FBXW8: variants seen among roughly 807,000 people sequenced by gnomAD.
FBXW8 encodes F-box and WD repeat domain containing 8.
FBXW8 carries 57 observed loss-of-function variants against 65.3 expected under a neutral mutation model. That is an observed-to-expected ratio of 0.87 (90% confidence interval 0.71 to 1.09). The LOEUF is 1.09. Ranked by LOEUF, FBXW8 falls within the 50% of genes least tolerant of loss-of-function variation. FBXW8 has a pLI of 0.00. For missense variants in FBXW8, 777 were observed against 814.8 expected (o/e 0.95, Z 0.57); for synonymous variants, 308 against 330.2 (o/e 0.93, Z 0.73).
intron 4 of FBXW8, among the ~76,000 whole-genome samples, chr12:116,954,887 C>T (rs74344876): frequency 6.6e-6 from 1 of 152,138 alleles, no homozygotes; most frequent in Non-Finnish European, 1.5e-5. Context: ...CGTCTAACCT[C>T]CCTCCAGCTG....
At chr12:116,957,712 A>G (rs1288927539) in intron 4 of FBXW8, among the ~76,000 whole-genome samples, 11 of 152,196 alleles carry the variant, frequency 7.2e-5, no homozygotes, top group Non-Finnish European at 1.6e-4. Flanking sequence ...CTTGTTTTGT[A>G]TAGATTTTCT....
intron 7 of FBXW8, among the ~76,000 whole-genome samples, chr12:117,009,177 G>A (rs955123387): frequency 3.3e-5 from 5 of 152,166 alleles, no homozygotes; most frequent in Non-Finnish European, 4.4e-5. Flanking sequence ...TTTGAGACCC[G>A]GCTGGGCAAC....
At position 116,979,777 on chromosome 12, in the gene FBXW8, CAAAA is replaced by C. The variant is rs60145855; in HGVS notation, c.836-5413_836-5410del. The stretch of plus-strand genomic sequence containing the variant: ...GGATGATGCCTGGTGCAGGGAATGG[CAAAA>C]AAAAAAAAAAAAAAACACTTGCTTC... On this transcript the variant is annotated intron_variant, in intron 5 of 10. Transcript: ENST00000652555. 1.1e-4 allele frequency among the ~76,000 whole-genome samples: 8 copies of C among 74,494 alleles called. No individual in the cohort carries two copies. The East Asian group carries it at 1.6e-3, about 15-fold the overall frequency. 48.9% of individuals were successfully genotyped at this position (74,494 alleles called of 152,430 possible).
chr12:117,019,755 A>C (rs917127773), intron 8 of FBXW8, among the ~76,000 whole-genome samples: 2 of 152,208 alleles, frequency 1.3e-5, no homozygotes, highest in Non-Finnish European at 2.9e-5. Flanking sequence ...CCTCCCGGTC[A>C]TGAATGAATT....
intron 4 of FBXW8, among the ~76,000 whole-genome samples, chr12:116,958,853 C>G (rs1883813254): frequency 6.6e-6 from 1 of 152,236 alleles, no homozygotes; most frequent in African/African-American, 2.4e-5. Context: ...ATTTGTTTTT[C>G]TGGTAAGCTG....
chr12:116,981,413 A>G (rs1176000613), intron 5 of FBXW8, among the ~76,000 whole-genome samples: 1 of 152,266 alleles, frequency 6.6e-6, no homozygotes, highest in Non-Finnish European at 1.5e-5. Context: ...TGGTAATTAC[A>G]TGGATAAATA....
At chr12:117,012,900 G>C (rs1323052333) in intron 8 of FBXW8, among the ~76,000 whole-genome samples, 1 of 152,168 alleles carries the variant, frequency 6.6e-6, no homozygotes, top group East Asian at 1.9e-4. Context: ...TAGGGAATCA[G>C]TTTTAAGTAG....
chr12:116,966,784 G>A (rs1465123873), intron 5 of FBXW8, among the ~76,000 whole-genome samples: 2 of 151,708 alleles, frequency 1.3e-5, no homozygotes, highest in South Asian at 2.1e-4. Context: ...GCACCATCTC[G>A]GCTCACTGCA....
intron 5 of FBXW8, among the ~76,000 whole-genome samples, chr12:116,975,699 A>G (rs1884883503): frequency 6.6e-6 from 1 of 152,226 alleles, no homozygotes; most frequent in Non-Finnish European, 1.5e-5. Flanking sequence ...ACCTCCTGAT[A>G]CATAATGCAC....
chr12:116,924,432 C>A (rs756591982), intron 1 of FBXW8, among the ~76,000 whole-genome samples: 2 of 152,106 alleles, frequency 1.3e-5, no homozygotes, highest in Non-Finnish European at 2.9e-5. Flanking sequence ...TGTAAACATT[C>A]AAAATCTGTT....
Position 116,964,728 on chromosome 12 carries a change from A to G in FBXW8, c.709A>G (p.Thr237Ala), listed in dbSNP as rs757721439. Reference sequence around the variant, plus strand: ...ATCAGGGGATGTGAGAGTGTGGGACACCCGCACCTGGGACTACGTAGCCCC... The same window carrying G: ...ATCAGGGGATGTGAGAGTGTGGGACGCCCGCACCTGGGACTACGTAGCCCC... ...YTSGDVRVWD[T>A]RTWDYVAPFL... Residue 237 changes from threonine (T) to alanine (A), a missense_variant, in exon 5 of 11, where the codon ACC (threonine) becomes GCC (alanine). Thr to Ala is a moderately conservative substitution (Grantham distance 58, BLOSUM62 0). Coordinates refer to ENST00000652555, the MANE Select transcript of FBXW8 (RefSeq NM_153348.3). The G allele has an allele frequency of 2.5e-6, 4 of 1,613,716 alleles. No homozygotes were observed. Among genetic ancestry groups the G allele is most frequent in the Non-Finnish European group, 3.4e-6 (4 of 1,179,990 alleles).
At chr12:116,955,352 C>T (rs1883577733) in intron 4 of FBXW8, among the ~76,000 whole-genome samples, 1 of 152,158 alleles carries the variant, frequency 6.6e-6, no homozygotes, top group Non-Finnish European at 1.5e-5. Context: ...TTTTACTTTG[C>T]TTTTTCAGCG....
intron 2 of FBXW8, among the ~76,000 whole-genome samples, chr12:116,929,301 C>A (rs199553840): frequency 1.3e-5 from 2 of 152,182 alleles, no homozygotes; most frequent in Non-Finnish European, 2.9e-5. Flanking sequence ...GTGGCGCGAT[C>A]TCGGCTTCCT....
intron 5 of FBXW8, among the ~76,000 whole-genome samples, chr12:116,970,343 T>C (rs7973240): frequency 0.76 from 115,271 of 152,134 alleles, 45,110 homozygotes; most frequent in Non-Finnish European, 0.85. Flanking sequence ...CCTCTTTATA[T>C]GGTGCCATCA....
chr12:116,927,957 C>A, intron 1 of FBXW8, 66 bp from the exon 2 acceptor site: 1 of 935,550 alleles, frequency 1.1e-6, no homozygotes, highest in Non-Finnish European at 1.7e-6. Flanking sequence ...ATTTAAAGGG[C>A]CTGTAAATTT....
At chr12:116,923,329 T>C (rs542427820) in intron 1 of FBXW8, among the ~76,000 whole-genome samples, 1 of 151,860 alleles carries the variant, frequency 6.6e-6, no homozygotes, top group South Asian at 2.1e-4. Context: ...AGGACGAAAG[T>C]CCCCAATAGT....
At chr12:116,937,557 C>T (rs1182965684) in intron 2 of FBXW8, among the ~76,000 whole-genome samples, 3 of 152,156 alleles carry the variant, frequency 2.0e-5, no homozygotes, top group African/African-American at 7.2e-5. Flanking sequence ...CGCTGTTGTT[C>T]ATCAAGTAAG....
At chr12:116,930,904 C>T (rs1360286806) in intron 2 of FBXW8, among the ~76,000 whole-genome samples, 1 of 152,184 alleles carries the variant, frequency 6.6e-6, no homozygotes, top group East Asian at 1.9e-4. Context: ...AACTTTTGGG[C>T]TCACGTGATT....
rs1384398034 is a variant in FBXW8 at position 116,962,219 on chromosome 12, G to C, written c.678-2478G>C. 2.0e-5 allele frequency among the ~76,000 whole-genome samples: 3 copies of C among 152,180 alleles called. No individual in the cohort carries two copies. In the East Asian group the frequency reaches 5.8e-4, roughly 29 times the overall value. ...CTGTGGGAGAAAGGCTTGCCCAGGA[G>C]CCCCTCAGATATGAATAGAGTGCTG... On this transcript the variant is annotated intron_variant, in intron 4 of 10. Transcript: ENST00000652555.
Sources: allele counts gnomAD v4.1 joint callset (sites outside exome capture counted in the v4.1 genomes callset), GRCh38; gene constraint gnomAD v4.1.1; transcripts MANE v1.5; gene names NCBI Gene and HGNC (gene_info 2026-07-23, HGNC 2026-07-21).